The following TAF1C variants were observed in gnomAD, a reference collection of about 807,000 sequenced individuals.
The protein encoded by TAF1C is TATA box-binding protein-associated factor RNA polymerase I subunit C.
TAF1C carries 79 observed loss-of-function variants against 70.5 expected under a neutral mutation model. That is an observed-to-expected ratio of 1.12 (90% CI 0.93 to 1.35). TAF1C has a LOEUF of 1.35. Among genes scored for constraint, TAF1C ranks in the 40% most tolerant of loss-of-function variants. The probability of loss-of-function intolerance (pLI) is 0.00; values close to 1 mark genes in which losing one functional copy is unlikely to be tolerated. For synonymous variants in TAF1C, 614 were observed against 491.1 expected, an observed-to-expected ratio of 1.25 and a Z score of -3.31; for missense variants, 1,412 against 1,127.8, an observed-to-expected ratio of 1.25 and a Z score of -3.61.
At position 84,183,277 on chromosome 16, in the gene TAF1C, C is replaced by T. The variant is rs576077994; in HGVS notation, c.375G>A (p.Leu125=). The change falls in exon 5 of 15, where the codon CTG becomes CTA. Residue 125 remains leucine (L), a synonymous_variant. Transcript: ENST00000566732. ...GDVAFAPLGK[L]MLENFKLEGA... ...CCTCCAGCTTGAAATTCTCCAGCATCAGCTTCCCCAGGGGCGCAAAGGCTA... is the reference window on the plus strand; with the variant it reads ...CCTCCAGCTTGAAATTCTCCAGCATTAGCTTCCCCAGGGGCGCAAAGGCTA... 2 of 1,614,042 alleles carry T rather than the reference C, an allele frequency of 1.2e-6. No individual in the cohort carries two copies. Among genetic ancestry groups the T allele is most frequent in the African/African-American group, 2.7e-5 (2 of 75,064 alleles).
intron 12 of TAF1C, 29 bp downstream of exon 12, chr16:84,181,013 TG>T (rs2089149690): frequency 1.9e-6 from 3 of 1,581,040 alleles, no homozygotes; most frequent in Non-Finnish European, 2.6e-6. Context: ...AGAGCAGAGG[TG>T]GGGCGGGGCG....
chr16:84,180,566 G>A (rs1037360989), intron 12 of TAF1C: 21 of 604,472 alleles, frequency 3.5e-5, no homozygotes, highest in Admixed American at 1.8e-4. Flanking sequence ...GACAGAACAA[G>A]TGGGAAAGGG....
chr16:84,182,021 G>A lies in TAF1C; in HGVS notation c.759C>T (p.Pro253=), dbSNP rs776406111. 1.9e-6 allele frequency: 3 copies of A among 1,613,508 alleles called. No homozygotes were observed. In the East Asian group the frequency reaches 6.7e-5, roughly 36 times the overall value. The part of the protein sequence containing the change: ...QEVVLTPGDN[P]QFLGKPGRIQ... ...TGCGTCCAGGTTTCCCAAGGAATTG[G>A]GGATTGTCACCTGGGGTCAGAACGA... Residue 253 remains proline (P), a synonymous_variant, in exon 8 of 15, where the codon CCC becomes CCT. Transcript: ENST00000566732. The surrounding 1 kb of genome is among the most constrained non-coding windows in gnomAD (Gnocchi z 5.0).
chr16:84,181,077 C>A lies in TAF1C; in HGVS notation c.1274G>T (p.Cys425Phe), dbSNP rs1469117763. ...TQYLGHSSPK[C>F]LPPTLHLVCT... ...GACGAGATGAAGAGTAGGGGGGAGGCATTTGGGGCTGGAGTGCCCCAGGTA... is the reference window on the plus strand; with the variant it reads ...GACGAGATGAAGAGTAGGGGGGAGGAATTTGGGGCTGGAGTGCCCCAGGTA... Residue 425 changes from cysteine (C) to phenylalanine (F), a missense_variant, in exon 12 of 15, where the codon TGC becomes TTC. Transcript: ENST00000566732. 6.2e-7 allele frequency: 1 copy of A among 1,612,232 alleles called. No individual in the cohort carries two copies.
Position 84,183,333 on chromosome 16 carries a change from T to C in TAF1C, c.319A>G (p.Ile107Val), listed in dbSNP as rs1320030262. Residue 107 changes from isoleucine (I) to valine (V), a missense_variant and splice_region_variant, in exon 5 of 15, where the codon ATC (isoleucine) becomes GTC (valine). Ile to Val is a conservative substitution (Grantham distance 29). Coordinates refer to ENST00000566732, the MANE Select transcript of TAF1C (RefSeq NM_001243156.2). Reference sequence around the variant, plus strand: ...CCATGATCCAAGAGGAACCGGCTGATCTGGGGAGAAGAGGAGGCCAGGTCA... The same window carrying C: ...CCATGATCCAAGAGGAACCGGCTGACCTGGGGAGAAGAGGAGGCCAGGTCA... ...PRVVLDVTEQ[I>V]SRFLLDHGDV... The C allele has an allele frequency of 6.2e-7, 1 of 1,613,922 alleles. No individual in the cohort carries two copies. The highest frequency in any genetic ancestry group is 8.5e-7 in the Non-Finnish European group (1 of 1,180,016).
chr16:84,179,424 G>C lies in TAF1C; in HGVS notation c.2049C>G (p.Pro683=). 1.3e-6 allele frequency: 2 copies of C among 1,596,988 alleles called. No individual in the cohort carries two copies. The highest frequency in any genetic ancestry group is 1.7e-6 in the Non-Finnish European group (2 of 1,177,348). Residue 683 remains proline, a synonymous_variant, in exon 15 of 15, where the codon CCC becomes CCG. Coordinates refer to ENST00000566732, the MANE Select transcript of TAF1C (RefSeq NM_001243156.2). The part of the protein sequence containing the change: ...SLPAAEPPPA[P]ESGLEDKLSE... ...TGAGCTTGTCCTCTAGGCCTGACTC[G>C]GGTGCAGGGGGTGGCTCTGCCGCAG...
intron 1 of TAF1C, 50 bp from the exon 2 acceptor site, chr16:84,185,110 A>C: frequency 3.9e-6 from 5 of 1,282,046 alleles, no homozygotes; most frequent in Non-Finnish European, 5.3e-6. Flanking sequence ...TTGAGGAAGC[A>C]GATAACAAAA....
Position 84,180,298 on chromosome 16 carries a change from A to G in TAF1C, c.1355T>C (p.Leu452Pro). The change falls in exon 13 of 15, where the codon CTG (leucine) becomes CCG (proline). Residue 452 changes from leucine (L) to proline (P), a missense_variant. Physicochemically the swap from Leu to Pro is moderately conservative, Grantham distance 98. Transcript: ENST00000566732. ...VDERLPLVPM[L>P]KWNHGLPSPL... ...GGAGGGGAGGCCATGGTTCCACTTC[A>G]GCATCGGCACCAGGGGAAGGCGCTC... 2 of 1,548,940 alleles carry G rather than the reference A, an allele frequency of 1.3e-6. No individual in the cohort carries two copies. The highest frequency in any genetic ancestry group is 1.7e-6 in the Non-Finnish European group (2 of 1,148,032).
chr16:84,181,351 C>T lies in TAF1C; in HGVS notation c.1141G>A (p.Gly381Arg), dbSNP rs748344899. The change falls in exon 11 of 15, where the codon GGA becomes AGA. Residue 381 changes from glycine to arginine, a missense_variant. Gly to Arg is a moderately radical substitution (Grantham distance 125). Coordinates refer to ENST00000566732, the MANE Select transcript of TAF1C (RefSeq NM_001243156.2). ...PRVLTVGDRT[G>R]VKMLDTQGPP... ...ACCTGAGTGTCCAGCATCTTCACTC[C>T]GGTGCGGTCACCCACGGTCAGCACC... The T allele has an allele frequency of 8.7e-6, 14 of 1,613,604 alleles. No individual in the cohort carries two copies. Among genetic ancestry groups the T allele is most frequent in the African/African-American group, 5.3e-5 (4 of 74,926 alleles).
At position 84,182,817 on chromosome 16, in the gene TAF1C, G is replaced by A. The variant is rs536751468; in HGVS notation, c.482+259C>T. On this transcript the variant is annotated intron_variant, in intron 6 of 14. Coordinates refer to ENST00000566732, the MANE Select transcript of TAF1C (RefSeq NM_001243156.2). The surrounding 1 kb of genome is among the most constrained non-coding windows in gnomAD (Gnocchi z 5.0). ...ACTGTGCAGGGAGAGGCAAGTGGAC[G>A]AGACAGGAAAGAGAGACACAGCTCT... Among the ~76,000 whole-genome samples the A allele has an allele frequency of 3.9e-5, 6 of 152,340 alleles. No individual in the cohort carries two copies. The highest frequency in any genetic ancestry group is 7.2e-5 in the African/African-American group (3 of 41,576).
rs764729365 is a variant in TAF1C at position 84,180,045 on chromosome 16, G to T, written c.1522C>A (p.Gln508Lys). 2.0e-5 allele frequency: 32 copies of T among 1,604,446 alleles called. No individual in the cohort carries two copies. The highest frequency in any genetic ancestry group is 1.7e-4 in the Middle Eastern group (1 of 6,020). ...GAGTCGATCCTGGAAGGAAGAGACT[G>T]GGGGGGGCCTGCCAGGCGGGGCACC... ...ASVPRLAGPP[Q>K]SLPSRIDSLP... Residue 508 changes from glutamine (Q) to lysine (K), a missense_variant, in exon 14 of 15, where the codon CAG becomes AAG. Coordinates refer to ENST00000566732, the MANE Select transcript of TAF1C (RefSeq NM_001243156.2).
Position 84,183,513 on chromosome 16 carries a change from A to G in TAF1C, c.221-6T>C. On this transcript the variant is annotated splice_region_variant and splice_polypyrimidine_tract_variant and intron_variant, in intron 3 of 14. Coordinates refer to ENST00000566732, the MANE Select transcript of TAF1C (RefSeq NM_001243156.2). ...CAGGCCAGGGTCCCAGGGATCTGAG[A>G]AGGAGGTTACGGAAAGGGCTGGGGA... 6.2e-7 allele frequency: 1 copy of G among 1,607,106 alleles called. No homozygotes were observed. The highest frequency in any genetic ancestry group is 8.5e-7 in the Non-Finnish European group (1 of 1,176,594).
Position 84,179,817 on chromosome 16 carries a change from C to T in TAF1C, c.1656G>A (p.Ala552=), listed in dbSNP as rs777416461. The stretch of plus-strand genomic sequence containing the variant: ...GGAAGAGCACCAGGCCTGGTGTGGG[C>T]GCTGAGGGCAAGGGCGGGACGACGG... ...LAAVVPPLPS[A]PTPGLVLFQL... is the part of the protein sequence containing the mutation. The change falls in exon 15 of 15, where the codon GCG becomes GCA. Residue 552 remains alanine (A), a synonymous_variant. Transcript: ENST00000566732. 2.5e-6 allele frequency: 4 copies of T among 1,609,340 alleles called. No homozygotes were observed. In the East Asian group the frequency reaches 8.9e-5, roughly 36 times the overall value.
chr16:84,180,318 G>T lies in TAF1C; in HGVS notation c.1335C>A (p.Arg445=). 6.5e-7 allele frequency: 1 copy of T among 1,546,554 alleles called. No individual in the cohort carries two copies. ...TQFSLYLVDE[R]LPLVPMLKWN... ...ACTTCAGCATCGGCACCAGGGGAAG[G>T]CGCTCGTCCACTAGGTAGAGAGAGA... The change falls in exon 13 of 15, where the codon CGC becomes CGA. Residue 445 remains arginine, a synonymous_variant. Coordinates refer to ENST00000566732, the MANE Select transcript of TAF1C (RefSeq NM_001243156.2).
rs144725557 is a variant in TAF1C, at chr16:84,181,897, A to G, written c.839-34T>C. 1.9e-6 allele frequency: 3 copies of G among 1,614,026 alleles called. No homozygotes were observed. The African/African-American group carries it at 4.0e-5, about 22-fold the overall frequency. On this transcript the variant is annotated intron_variant, in intron 8 of 14. Transcript: ENST00000566732. ...GGATGGAAAGGGCCAGGGGTCAGGT[A>G]GCAGGTCAGCCAGTGAGGGAGGAAA...
rs752769668 is a variant in TAF1C, at chr16:84,182,153, C to T, written c.721+49G>A. 1.9e-6 allele frequency: 3 copies of T among 1,591,948 alleles called. No individual in the cohort carries two copies. Among genetic ancestry groups the T allele is most frequent in the Non-Finnish European group, 2.6e-6 (3 of 1,167,428 alleles). Reference sequence around the variant, plus strand: ...CTGGACCATGCCAAGAGCACCTCCTCTACCAGAGGCGAGCCCGCTGGAATC... The same window carrying T: ...CTGGACCATGCCAAGAGCACCTCCTTTACCAGAGGCGAGCCCGCTGGAATC... On this transcript the variant is annotated intron_variant, in intron 7 of 14. Coordinates refer to ENST00000566732, the MANE Select transcript of TAF1C (RefSeq NM_001243156.2). This position sits in a 1 kb window ranked among gnomAD's most constrained non-coding sequence, Gnocchi z 5.0.
intron 1 of TAF1C, chr16:84,185,296 A>G (rs2089421445): frequency 4.1e-6 from 1 of 241,232 alleles, no homozygotes; most frequent in Admixed American, 5.5e-5. Context: ...GAAGGAGAGA[A>G]CCATGTACGC....
In TAF1C at chr16:84,178,358, T is replaced by TA. The variant is rs1567576830; in HGVS notation, c.*582dup. ...AGCTGTGGCGGGACGCTGTCCAGCC[T>TA]AAAAAACGTGACCATTCCAATTCAT... On this transcript the variant is annotated 3_prime_UTR_variant, in exon 15 of 15. Coordinates refer to ENST00000566732, the MANE Select transcript of TAF1C (RefSeq NM_001243156.2). 2.2e-6 allele frequency: 1 copy of TA among 456,972 alleles called. No homozygotes were observed. 28.3% of individuals were successfully genotyped at this position (456,972 alleles called of 1,614,324 possible). A position where few individuals can be genotyped will look rare whatever the true frequency, so the allele number is the denominator to read the frequency against.
rs138178776 is a variant in TAF1C at position 84,179,254 on chromosome 16, A to G, written c.2219T>C (p.Val740Ala). 134 of 1,584,974 alleles carry G rather than the reference A, an allele frequency of 8.5e-5. No individual in the cohort carries two copies. The highest frequency in any genetic ancestry group is 3.3e-4 in the Middle Eastern group (2 of 6,054). ...GGAGCTGGTGTCCTCTGAGGGATCCACATGGCCACTGAGCGAAAAGCTGCT... is the reference window on the plus strand; with the variant it reads ...GGAGCTGGTGTCCTCTGAGGGATCCGCATGGCCACTGAGCGAAAAGCTGCT... ...LSSSFSLSGH[V>A]DPSEDTSSPH... The change falls in exon 15 of 15, where the codon GTG becomes GCG. Residue 740 changes from valine (V) to alanine (A), a missense_variant. Coordinates refer to ENST00000566732, the MANE Select transcript of TAF1C (RefSeq NM_001243156.2).
Sources: gnomAD v4.1 joint callset for allele counts (sites outside exome capture counted in the v4.1 genomes callset) on GRCh38, gnomAD v4.1.1 for gene constraint, Gnocchi (gnomAD v3.1) non-coding constraint, MANE v1.5 for transcripts, NCBI Gene and HGNC (gene_info 2026-07-23, HGNC 2026-07-21) for gene names.